The following PAAF1 variants were observed in gnomAD, a reference collection of about 807,000 sequenced individuals.
PAAF1 encodes proteasomal ATPase-associated factor 1.
Under a neutral mutation model 52.8 loss-of-function variants are expected in PAAF1, and 46 were observed. The observed-to-expected ratio is 0.87, with a 90% confidence interval of 0.69 to 1.11. The LOEUF (loss-of-function observed/expected upper bound fraction) is 1.11. Among genes scored for constraint, PAAF1 ranks in the 50% most tolerant of loss-of-function variants. PAAF1 has a pLI of 0.00. For missense variants in PAAF1, 424 were observed against 477.4 expected, an observed-to-expected ratio of 0.89 and a Z score of 1.04; for synonymous variants, 178 against 172.8, an observed-to-expected ratio of 1.03 and a Z score of -0.24.
rs778506070 is a variant in PAAF1 at position 73,916,670 on chromosome 11, C to T, written c.935+10C>T. ...ATGTGAGGAGTCCAAGGTGAGTCAC[C>T]ATTCATTTACATGATGCAGGTCTTC... On this transcript the variant is annotated intron_variant, in intron 9 of 11. Transcript: ENST00000310571. The T allele has an allele frequency of 1.0e-5, 16 of 1,586,562 alleles. No individual in the cohort carries two copies. The South Asian group carries it at 1.4e-4, about 14-fold the overall frequency.
chr11:73,885,148 T>C (rs1467121627), intron 2 of PAAF1, among the ~76,000 whole-genome samples: 2 of 149,718 alleles, frequency 1.3e-5, no homozygotes, highest in Non-Finnish European at 3.0e-5. Context: ...CGTGATATTC[T>C]TTTTTTTTGA....
rs780819586 is a variant in PAAF1 at position 73,916,624 on chromosome 11, A to C, written c.899A>C (p.Asp300Ala). The C allele has an allele frequency of 3.1e-6, 5 of 1,614,080 alleles. No homozygotes were observed. The highest frequency in any genetic ancestry group is 3.4e-6 in the Non-Finnish European group (4 of 1,179,970). The change falls in exon 9 of 12, where the codon GAT (aspartate) becomes GCT (alanine). Residue 300 changes from aspartate (D) to alanine (A), a missense_variant. By Grantham distance (126) the Asp-to-Ala change is moderately radical. Coordinates refer to ENST00000310571, the MANE Select transcript of PAAF1 (RefSeq NM_025155.3). ...SGFLLLAGTQ[D>A]GNIYQLDVRS... ...TTCTTGCTATTGGCTGGGACTCAAG[A>C]TGGAAACATTTATCAGCTGGATGTG...
At chr11:73,880,322 A>G (rs1457909548) in intron 2 of PAAF1, 7 of 152,048 alleles carry the variant, frequency 4.6e-5, no homozygotes, top group African/African-American at 1.7e-4. Context: ...ACACACATAT[A>G]CATATGTATA....
chr11:73,880,860 C>T (rs530920856), intron 2 of PAAF1, among the ~76,000 whole-genome samples: 2 of 150,438 alleles, frequency 1.3e-5, no homozygotes, highest in African/African-American at 4.9e-5. Context: ...ATTACCTGGG[C>T]GTGGTGGTGC....
chr11:73,921,699 C>A, intron 10 of PAAF1: 1 of 911,086 alleles, frequency 1.1e-6, no homozygotes, highest in South Asian at 1.3e-5. Context: ...ACTGTCTCTT[C>A]ACAAAACAAG....
chr11:73,899,175 A>T lies in PAAF1; in HGVS notation c.312A>T (p.Gly104=). 1 of 1,613,962 alleles carries T rather than the reference A, an allele frequency of 6.2e-7. No homozygotes were observed. Among genetic ancestry groups the T allele is most frequent in the Non-Finnish European group, 8.5e-7 (1 of 1,179,942 alleles). Residue 104 remains glycine (G), a synonymous_variant, in exon 5 of 12, where the codon GGA becomes GGT. Transcript: ENST00000310571. ...SITCLDISSR[G]GLGVSSSTDG... Reference sequence around the variant, plus strand: ...CATGCCTGGACATTTCCAGCAGAGGAGGTCTTGGTGTGTCTTCTAGTACTG... The same window carrying T: ...CATGCCTGGACATTTCCAGCAGAGGTGGTCTTGGTGTGTCTTCTAGTACTG...
intron 4 of PAAF1, among the ~76,000 whole-genome samples, chr11:73,897,417 C>T (rs1949435470): frequency 6.6e-6 from 1 of 150,954 alleles, no homozygotes; most frequent in Non-Finnish European, 1.5e-5. Flanking sequence ...AGGGGCTCCT[C>T]ACTTCTCAGA....
At chr11:73,921,692 G>C in intron 10 of PAAF1, 1 of 855,078 alleles carries the variant, frequency 1.2e-6, no homozygotes, top group Non-Finnish European at 2.0e-6. Context: ...AGCATGAACT[G>C]TCTCTTCACA....
At chr11:73,894,369 G>A (rs1949287910) in intron 4 of PAAF1, among the ~76,000 whole-genome samples, 1 of 152,144 alleles carries the variant, frequency 6.6e-6, no homozygotes, top group South Asian at 2.1e-4. Flanking sequence ...GCTGGTTGTA[G>A]TGGCTCACAC....
At chr11:73,925,491 A>G (rs1286732387) in intron 11 of PAAF1, among the ~76,000 whole-genome samples, 1 of 151,652 alleles carries the variant, frequency 6.6e-6, no homozygotes, top group African/African-American at 2.4e-5. Flanking sequence ...AAGTGACTTC[A>G]TCACTTACTA....
rs1161686597 is a variant in PAAF1 at position 73,887,369 on chromosome 11, A to G, written c.104A>G (p.Tyr35Cys). 21 of 1,611,666 alleles carry G rather than the reference A, an allele frequency of 1.3e-5. No individual in the cohort carries two copies. Among genetic ancestry groups the G allele is most frequent in the Non-Finnish European group, 1.8e-5 (21 of 1,179,116 alleles). Residue 35 changes from tyrosine to cysteine, a missense_variant, in exon 3 of 12, where the codon TAT (tyrosine) becomes TGT (cysteine). By Grantham distance (194) the Tyr-to-Cys change is radical. Coordinates refer to ENST00000310571, the MANE Select transcript of PAAF1 (RefSeq NM_025155.3). ...TACCATATAGGGAAACCATCTTTGT[A>G]TGGCAGCCTGACTTGTCAAGGAATT... ...SCHPPGKPSL[Y>C]GSLTCQGIGL...
At chr11:73,916,471 C>CT in intron 8 of PAAF1, 74 bp from the exon 9 acceptor site, 3 of 942,316 alleles carry the variant, frequency 3.2e-6, no homozygotes, top group Admixed American at 2.6e-5. Context: ...GAAATTTTTC[C>CT]TTTTTTGGTG....
intron 9 of PAAF1, among the ~76,000 whole-genome samples, chr11:73,917,226 G>A (rs1950092780): frequency 6.6e-6 from 1 of 151,960 alleles, no homozygotes; most frequent in African/African-American, 2.4e-5. Flanking sequence ...TCATCATGTT[G>A]GTCAGGCTGA....
Position 73,927,630 on chromosome 11 carries a change from G to A in PAAF1, c.*268G>A. On this transcript the variant is annotated 3_prime_UTR_variant, in exon 12 of 12. Coordinates refer to ENST00000310571, the MANE Select transcript of PAAF1 (RefSeq NM_025155.3). Reference sequence around the variant, plus strand: ...AGCAACACAGGGCAAGGATATAGATGCTTTTAGTTTGTTCTTAAACCAGTT... The same window carrying A: ...AGCAACACAGGGCAAGGATATAGATACTTTTAGTTTGTTCTTAAACCAGTT... 1 of 497,730 alleles carries A rather than the reference G, an allele frequency of 2.0e-6. No homozygotes were observed. 30.8% of individuals were successfully genotyped at this position (497,730 alleles called of 1,614,324 possible).
chr11:73,917,503 T>C (rs1413297059), intron 9 of PAAF1, among the ~76,000 whole-genome samples: 2 of 152,226 alleles, frequency 1.3e-5, no homozygotes, highest in Non-Finnish European at 2.9e-5. Context: ...CTTCCTTTTT[T>C]CAACTGATAT....
At chr11:73,896,254 C>CT (rs71272248) in intron 4 of PAAF1, among the ~76,000 whole-genome samples, 21,460 of 121,658 alleles carry the variant, frequency 0.18, 1,841 homozygotes, top group South Asian at 0.33. Context: ...TATCTGAACT[C>CT]TTTTTTTTTT....
intron 4 of PAAF1, among the ~76,000 whole-genome samples, chr11:73,898,009 C>T (rs540069027): frequency 3.9e-5 from 6 of 152,306 alleles, no homozygotes; most frequent in African/African-American, 1.4e-4. Flanking sequence ...AGCGAATCCC[C>T]GTCTCCACCA....
At chr11:73,909,718 C>T (rs367785352) in intron 7 of PAAF1, 125 bp downstream of exon 7, 10 of 833,416 alleles carry the variant, frequency 1.2e-5, no homozygotes, top group African/African-American at 1.7e-5. Context: ...TTTCACCATA[C>T]GATTAATATT....
At chr11:73,902,446 G>A (rs1245752217) in intron 6 of PAAF1, among the ~76,000 whole-genome samples, 1 of 152,174 alleles carries the variant, frequency 6.6e-6, no homozygotes, top group African/African-American at 2.4e-5. Context: ...CTTCACCTCC[G>A]ATCTGGCCAT....
Sources: gnomAD v4.1 joint callset for allele counts (sites outside exome capture counted in the v4.1 genomes callset) on GRCh38, gnomAD v4.1.1 for gene constraint, MANE v1.5 for transcripts, NCBI Gene and HGNC (gene_info 2026-07-23, HGNC 2026-07-21) for gene names.